The following STAU1 variants were observed in gnomAD, a reference collection of about 807,000 sequenced individuals.
The protein encoded by STAU1 is double-stranded RNA-binding protein Staufen homolog 1.
In STAU1, 13 loss-of-function variants were observed where a neutral mutation model predicts 62.9. The ratio of observed to expected loss-of-function variants is 0.21; its 90% CI spans 0.13 to 0.33. STAU1 has a LOEUF of 0.33. Among genes scored for constraint, STAU1 ranks in the 10% least tolerant of loss-of-function variants. The pLI, the probability that STAU1 is intolerant of heterozygous loss-of-function variation, is 1.00. For synonymous variants in STAU1, 269 were observed against 265.1 expected, an observed-to-expected ratio of 1.01 and a Z score of -0.14; for missense variants, 571 against 712.1, an observed-to-expected ratio of 0.80 and a Z score of 2.25.
chr20:49,212,995 T>A, the STAU1 span, among the ~76,000 whole-genome samples: 4 of 149,310 alleles, frequency 2.7e-5, no homozygotes, highest in Admixed American at 1.3e-4. Context: ...CAAACTTTTT[T>A]ATTTTATTTT....
chr20:49,213,245 T>C, the STAU1 span, among the ~76,000 whole-genome samples: 4 of 152,036 alleles, frequency 2.6e-5, no homozygotes, highest in African/African-American at 9.7e-5. Flanking sequence ...TCAATTTTTT[T>C]TTTTAGACAG....
At chr20:49,141,071 C>T (rs2092995826) in intron 5 of STAU1, among the ~76,000 whole-genome samples, 1 of 151,350 alleles carries the variant, frequency 6.6e-6, no homozygotes, top group Non-Finnish European at 1.5e-5. Flanking sequence ...TGGAAATAAA[C>T]TAGGTGCTCA....
At chr20:49,167,698 G>GT (rs545471516) in intron 2 of STAU1, among the ~76,000 whole-genome samples, 185 of 151,902 alleles carry the variant, frequency 1.2e-3, no homozygotes, top group African/African-American at 4.0e-3. Context: ...ATTTCATTGG[G>GT]TTTTTTTTCC....
chr20:49,171,346 G>A (rs2093594235), intron 2 of STAU1, among the ~76,000 whole-genome samples: 1 of 152,232 alleles, frequency 6.6e-6, no homozygotes, highest in Non-Finnish European at 1.5e-5. Context: ...CCAGGCTGGA[G>A]TGCAGTGGCA....
In STAU1 at chr20:49,154,087, G is replaced by C; in HGVS notation, c.206-16C>G. On this transcript the variant is annotated splice_polypyrimidine_tract_variant and intron_variant, in intron 3 of 13. Transcript: ENST00000371856. ...GTTATGCTTTCTGCAAGAAAGAATCGACAAAGAACTGTTTTTTTCTGGTAT... is the reference window on the plus strand; with the variant it reads ...GTTATGCTTTCTGCAAGAAAGAATCCACAAAGAACTGTTTTTTTCTGGTAT... 6.3e-7 allele frequency: 1 copy of C among 1,585,204 alleles called. No individual in the cohort carries two copies. Among genetic ancestry groups the C allele is most frequent in the South Asian group, 1.2e-5 (1 of 85,482 alleles).
At chr20:49,180,737 G>C (rs2093714950) in intron 1 of STAU1, among the ~76,000 whole-genome samples, 1 of 152,174 alleles carries the variant, frequency 6.6e-6, no homozygotes, top group African/African-American at 2.4e-5. Flanking sequence ...TCAGCTTTAA[G>C]TTTTAGCTTA....
At chr20:49,158,987 A>G (rs1304136935) in intron 3 of STAU1, 2 of 1,300,926 alleles carry the variant, frequency 1.5e-6, no homozygotes, top group Non-Finnish European at 2.0e-6. Flanking sequence ...CCTTTATTAT[A>G]TGTTCTGCAG....
the STAU1 span, among the ~76,000 whole-genome samples, chr20:49,196,878 C>T: frequency 1.3e-5 from 2 of 151,850 alleles, no homozygotes; most frequent in African/African-American, 4.8e-5. Context: ...ATCAATGGTT[C>T]GGACGTGGTG....
In STAU1 at chr20:49,117,724, CAA is replaced by C; in HGVS notation, c.1509+51_1509+52del. 1.3e-6 allele frequency: 2 copies of C among 1,518,564 alleles called. No individual in the cohort carries two copies. The allele number at this position is 1,518,564 out of a possible 1,614,324, so 94.1% of individuals were successfully genotyped here. A position where few individuals can be genotyped will look rare whatever the true frequency, so the allele number is the denominator to read the frequency against. ...TCAAAGTTCATTTTCTGAGAGAAGC[CAA>C]AAGATGACTGTCCTGAGGCACAGCC... is the stretch of plus-strand genomic sequence containing the variant. On this transcript the variant is annotated intron_variant, in intron 11 of 13. Coordinates refer to ENST00000371856, the MANE Select transcript of STAU1 (RefSeq NM_017453.4). The surrounding 1 kb of genome is among the most constrained non-coding windows in gnomAD (Gnocchi z 4.6).
At chr20:49,182,690 T>G (rs570551987) in intron 1 of STAU1, among the ~76,000 whole-genome samples, 1 of 152,054 alleles carries the variant, frequency 6.6e-6, no homozygotes, top group African/African-American at 2.4e-5. Flanking sequence ...CACAAAAAAA[T>G]TAGCCAGGCA....
the STAU1 span, among the ~76,000 whole-genome samples, chr20:49,211,331 A>G: frequency 1.3e-5 from 2 of 149,430 alleles, no homozygotes; most frequent in African/African-American, 4.9e-5. Flanking sequence ...TTTTGGGTGT[A>G]TACTTAGGAG....
chr20:49,136,462 T>A lies in STAU1; in HGVS notation c.511-531A>T, dbSNP rs1001114746. Among the ~76,000 whole-genome samples the A allele has an allele frequency of 2.1e-4, 32 of 152,210 alleles. 1 individual carries two copies. Among genetic ancestry groups the A allele is most frequent in the Admixed American group, 9.2e-4 (14 of 15,276 alleles). On this transcript the variant is annotated intron_variant, in intron 5 of 13. Coordinates refer to ENST00000371856, the MANE Select transcript of STAU1 (RefSeq NM_017453.4). ...CAAGTTTGAGTCAAATTGTACCTCA[T>A]AAGTTCACCAAAAACAATCCGCACA...
At chr20:49,205,452 G>A in the STAU1 span, among the ~76,000 whole-genome samples, 6 of 134,702 alleles carry the variant, frequency 4.5e-5, no homozygotes, top group African/African-American at 5.5e-5. Flanking sequence ...TGCAACCTCC[G>A]CCTCCCGGGT....
chr20:49,163,097 CAGG>C (rs2093473763), intron 3 of STAU1, among the ~76,000 whole-genome samples: 1 of 151,666 alleles, frequency 6.6e-6, no homozygotes, highest in Non-Finnish European at 1.5e-5. Flanking sequence ...GAGGCTGAGG[CAGG>C]AGAATTGCTT....
At chr20:49,162,975 C>T (rs978134300) in intron 3 of STAU1, among the ~76,000 whole-genome samples, 2 of 151,954 alleles carry the variant, frequency 1.3e-5, no homozygotes, top group Non-Finnish European at 2.9e-5. Flanking sequence ...AGGCGGATCA[C>T]GAGGTCAAGA....
chr20:49,189,074 G>A (rs548437747), upstream of STAU1, among the ~76,000 whole-genome samples: 29 of 151,720 alleles, frequency 1.9e-4, no homozygotes, highest in African/African-American at 7.0e-4. Flanking sequence ...GGTGGCGGGC[G>A]CCTGTAGGTA....
intron 6 of STAU1, chr20:49,134,434 G>GAAAAAAAAAACAAAAAAAAA: frequency 2.3e-6 from 1 of 430,782 alleles, no homozygotes; most frequent in Non-Finnish European, 4.2e-6. Flanking sequence ...TCATCTCAGG[G>GAAAAAAAAAACAAAAAAAAA]AAAAAAAAAA....
chr20:49,118,451 C>A, intron 9 of STAU1, 43 bp from the exon 10 acceptor site: 1 of 1,465,270 alleles, frequency 6.8e-7, no homozygotes, highest in South Asian at 1.2e-5. Flanking sequence ...GAGCATAAAT[C>A]AGATCACTGA....
chr20:49,207,046 G>T, the STAU1 span, among the ~76,000 whole-genome samples: 6 of 151,670 alleles, frequency 4.0e-5, no homozygotes, highest in East Asian at 3.9e-4. Context: ...CAGCCACCTC[G>T]CCTGGCCAAA....
Sources: gnomAD v4.1 joint callset for allele counts (sites outside exome capture counted in the v4.1 genomes callset) on GRCh38, gnomAD v4.1.1 for gene constraint, Gnocchi (gnomAD v3.1) non-coding constraint, MANE v1.5 for transcripts, NCBI Gene and HGNC (gene_info 2026-07-23, HGNC 2026-07-21) for gene names.